RASGRP3: variants seen among roughly 807,000 people sequenced by gnomAD.
The protein encoded by RASGRP3 is RAS guanyl releasing protein 3, also known as ras guanyl-releasing protein 3.
Under a neutral mutation model 82.7 loss-of-function variants are expected in RASGRP3, and 54 were observed. That is an observed-to-expected ratio of 0.65 (90% confidence interval 0.52 to 0.82). The LOEUF is 0.82. Ranked by LOEUF, RASGRP3 falls within the 40% of genes least tolerant of loss-of-function variation. The probability of loss-of-function intolerance (pLI) is 0.00; values close to 1 mark genes in which losing one functional copy is unlikely to be tolerated. For synonymous variants in RASGRP3, 309 were observed against 300.5 expected, an observed-to-expected ratio of 1.03 and a Z score of -0.29; for missense variants, 861 against 828.9, an observed-to-expected ratio of 1.04 and a Z score of -0.48.
intron 2 of RASGRP3, among the ~76,000 whole-genome samples, chr2:33,448,623 A>G (rs939707324): frequency 2.6e-5 from 4 of 152,216 alleles, no homozygotes; most frequent in African/African-American, 9.6e-5. Context: ...GCAGATTCAT[A>G]GAAACAGAAA....
intron 2 of RASGRP3, among the ~76,000 whole-genome samples, chr2:33,451,733 G>T (rs908129607): frequency 6.6e-6 from 1 of 151,904 alleles, no homozygotes; most frequent in African/African-American, 2.4e-5. Flanking sequence ...GGCTATTTGG[G>T]CTTCATAGAT....
At position 33,524,048 on chromosome 2, in the gene RASGRP3, C is replaced by A. The variant is rs1389524456; in HGVS notation, c.686C>A (p.Ala229Glu). 18 of 1,613,682 alleles carry A rather than the reference C, an allele frequency of 1.1e-5. No individual in the cohort carries two copies. Among genetic ancestry groups the A allele is most frequent in the Non-Finnish European group, 1.5e-5 (18 of 1,179,696 alleles). Residue 229 changes from alanine to glutamate, a missense_variant, in exon 8 of 18, where the codon GCA becomes GAA. Ala to Glu is a moderately radical substitution (Grantham distance 107). Coordinates refer to ENST00000403687, the MANE Select transcript of RASGRP3 (RefSeq NM_001139488.2). ...AEVITKFINV[A>E]KKLLQLKNFN... The stretch of plus-strand genomic sequence containing the variant: ...GTCATCACAAAGTTTATCAATGTTG[C>A]AAAGGTATGTCTGGTAATCAGACTG...
rs934792787 is a variant in RASGRP3, at chr2:33,564,543, T to C, written c.*1806T>C. On this transcript the variant is annotated 3_prime_UTR_variant, in exon 18 of 18. Transcript: ENST00000403687. ...AAAGCTTTTTGTGTGTTTAAAAAAA[T>C]TGAAGAAAATTCAGGAAGAAACGTG... The C allele has an allele frequency of 2.0e-5, 3 of 152,194 alleles. No individual in the cohort carries two copies. The highest frequency in any genetic ancestry group is 1.3e-4 in the Admixed American group (2 of 15,278). The allele number at this position is 152,194 out of a possible 1,614,324, so 9.4% of individuals were successfully genotyped here.
upstream of RASGRP3, among the ~76,000 whole-genome samples, chr2:33,474,588 C>G (rs1009062528): frequency 6.6e-6 from 1 of 152,218 alleles, no homozygotes; most frequent in African/African-American, 2.4e-5. Flanking sequence ...TAGGCATGAG[C>G]CACAACACCC....
chr2:33,462,385 T>C (rs557796201), intron 2 of RASGRP3, among the ~76,000 whole-genome samples: 4 of 63,394 alleles, frequency 6.3e-5, no homozygotes, highest in Non-Finnish European at 1.6e-4. Flanking sequence ...TTTGTTTTTC[T>C]TTTTTTTTTT....
At chr2:33,478,392 T>C (rs980829908) in intron 1 of RASGRP3, among the ~76,000 whole-genome samples, 2 of 152,126 alleles carry the variant, frequency 1.3e-5, no homozygotes, top group Admixed American at 6.5e-5. Flanking sequence ...GGGAGGGGGT[T>C]CCTCCTGAGT....
intron 14 of RASGRP3, among the ~76,000 whole-genome samples, chr2:33,550,546 TG>T (rs1675258616): frequency 6.6e-6 from 1 of 152,220 alleles, no homozygotes; most frequent in South Asian, 2.1e-4. Flanking sequence ...CAGAAACTCC[TG>T]GGCCCTGAAT....
At chr2:33,505,790 G>A (rs572547821) in intron 1 of RASGRP3, among the ~76,000 whole-genome samples, 51 of 152,314 alleles carry the variant, frequency 3.3e-4, no homozygotes, top group African/African-American at 1.2e-3. Context: ...CAATGTGGCT[G>A]AATGTGTCCA....
chr2:33,462,985 A>G (rs1043732363), intron 2 of RASGRP3, among the ~76,000 whole-genome samples: 3 of 152,156 alleles, frequency 2.0e-5, no homozygotes, highest in African/African-American at 7.2e-5. Context: ...ACTATAAGAA[A>G]CTCTTTTCAA....
In RASGRP3 at chr2:33,524,507, C is replaced by CTAGTTCACTGGG; in HGVS notation, c.767_768insAGTTCACTGGGT (p.Leu256_Lys257insValHisTrpVal). On this transcript the variant is annotated inframe_insertion, in exon 9 of 18. Coordinates refer to ENST00000403687, the MANE Select transcript of RASGRP3 (RefSeq NM_001139488.2). ...CCTCAGTCATAGTTCCATTTCACGC[C>CTAGTTCACTGGG]TCAAAGAGACCCATTCTCATCTTTC... 1 of 1,604,296 alleles carries CTAGTTCACTGGG rather than the reference C, an allele frequency of 6.2e-7. No individual in the cohort carries two copies. Among genetic ancestry groups the CTAGTTCACTGGG allele is most frequent in the South Asian group, 1.1e-5 (1 of 88,582 alleles).
chr2:33,552,191 G>A (rs957507741), intron 14 of RASGRP3, among the ~76,000 whole-genome samples: 1 of 152,170 alleles, frequency 6.6e-6, no homozygotes, highest in African/African-American at 2.4e-5. Context: ...CTACATTCTT[G>A]ATGCAGCTGT....
intron 1 of RASGRP3, among the ~76,000 whole-genome samples, chr2:33,505,153 T>TCATCACCAC (rs1553347435): frequency 4.7e-5 from 7 of 149,934 alleles, no homozygotes; most frequent in Non-Finnish European, 8.9e-5. Flanking sequence ...ATCATCATCA[T>TCATCACCAC]CACCACCACC....
rs72802082 is a variant in RASGRP3, at chr2:33,445,253, T to A, written c.-384-2567T>A. 3.6e-3 allele frequency among the ~76,000 whole-genome samples: 541 copies of A among 152,326 alleles called. 2 individuals are homozygous for A. Among genetic ancestry groups the A allele is most frequent in the Non-Finnish European group, 6.4e-3 (435 of 68,038 alleles). The stretch of plus-strand genomic sequence containing the variant: ...AAAATCAGAAGACACTGTAGGTTCT[T>A]ATGGCCCCACCAATGGCAGAGACCT... On this transcript the variant is annotated intron_variant, in intron 1 of 18. Transcript: ENST00000402538.
At chr2:33,548,599 G>A (rs559298146) in intron 13 of RASGRP3, among the ~76,000 whole-genome samples, 10 of 152,000 alleles carry the variant, frequency 6.6e-5, no homozygotes, top group Non-Finnish European at 1.2e-4. Context: ...GGACATAGGA[G>A]GTAGAAAAGA....
chr2:33,451,093 T>G (rs554071915), intron 2 of RASGRP3, among the ~76,000 whole-genome samples: 3 of 152,044 alleles, frequency 2.0e-5, no homozygotes, highest in Middle Eastern at 3.4e-3. Flanking sequence ...CTCCAACTCC[T>G]GACCTCGTGA....
At chr2:33,455,664 C>T (rs912345040) in intron 2 of RASGRP3, among the ~76,000 whole-genome samples, 9 of 152,388 alleles carry the variant, frequency 5.9e-5, no homozygotes, top group African/African-American at 1.9e-4. Context: ...GAAGGATTAA[C>T]TTCTGGGAAG....
intron 1 of RASGRP3, among the ~76,000 whole-genome samples, chr2:33,502,629 C>A (rs1029060605): frequency 2.0e-5 from 3 of 151,934 alleles, no homozygotes; most frequent in Admixed American, 2.0e-4. Flanking sequence ...TCTCCTGCCT[C>A]AGCCTCCCAA....
At chr2:33,554,663 C>T (rs899722346) in intron 14 of RASGRP3, among the ~76,000 whole-genome samples, 4 of 152,054 alleles carry the variant, frequency 2.6e-5, no homozygotes, top group Non-Finnish European at 4.4e-5. Context: ...TTAGTAGAGA[C>T]GGGGTTTCAC....
intron 1 of RASGRP3, among the ~76,000 whole-genome samples, chr2:33,492,825 C>T (rs764596382): frequency 1.3e-5 from 2 of 152,166 alleles, no homozygotes; most frequent in Non-Finnish European, 2.9e-5. Flanking sequence ...TGTAGCTGTG[C>T]TCATGCTTAC....
Sources: allele counts gnomAD v4.1 joint callset (sites outside exome capture counted in the v4.1 genomes callset), GRCh38; gene constraint gnomAD v4.1.1; transcripts MANE v1.5; gene names NCBI Gene and HGNC (gene_info 2026-07-23, HGNC 2026-07-21).